Variants in CPLANE1 observed in about 807,000 individuals in gnomAD.
CPLANE1 encodes ciliogenesis and planar polarity effector complex subunit 1.
CPLANE1 carries 263 observed loss-of-function variants against 362.5 expected under a neutral mutation model. The observed-to-expected ratio is 0.73, with a 90% CI of 0.66 to 0.80. The LOEUF (loss-of-function observed/expected upper bound fraction) is 0.80. Among genes scored for constraint, CPLANE1 ranks in the 30% least tolerant of loss-of-function variants. The pLI is 0.00. For synonymous variants in CPLANE1, 1,212 were observed against 1,302.6 expected, an observed-to-expected ratio of 0.93 and a Z score of 1.50; for missense variants, 3,461 against 3,793.4, an observed-to-expected ratio of 0.91 and a Z score of 2.30.
At chr5:37,193,547 G>C (rs1458013586) in intron 21 of CPLANE1, among the ~76,000 whole-genome samples, 1 of 151,872 alleles carries the variant, frequency 6.6e-6, no homozygotes, top group Admixed American at 6.6e-5. Context: ...CCCAGCTACT[G>C]GGAAGGCTGA....
intron 46 of CPLANE1, among the ~76,000 whole-genome samples, chr5:37,130,998 T>C (rs1274320560): frequency 6.6e-6 from 1 of 152,224 alleles, no homozygotes; most frequent in African/African-American, 2.4e-5. Context: ...TAGGCTGCAG[T>C]GAATGTCTGT....
chr5:37,125,795 G>A (rs529448185), intron 46 of CPLANE1, among the ~76,000 whole-genome samples: 3 of 152,154 alleles, frequency 2.0e-5, no homozygotes, highest in Admixed American at 6.5e-5. Context: ...AATTTTGTGG[G>A]TACATAGTAG....
intron 38 of CPLANE1, among the ~76,000 whole-genome samples, chr5:37,161,777 C>T (rs1260813898): frequency 6.6e-6 from 1 of 152,140 alleles, no homozygotes; most frequent in Non-Finnish European, 1.5e-5. Context: ...ACCGTTATTG[C>T]TAAGTGGTGT....
chr5:37,189,720 C>T (rs1040305864), intron 21 of CPLANE1, among the ~76,000 whole-genome samples: 3 of 152,086 alleles, frequency 2.0e-5, no homozygotes, highest in Admixed American at 6.6e-5. Context: ...GCATTGCAGC[C>T]GGGCACAGTG....
At position 37,123,228 on chromosome 5, in the gene CPLANE1, A is replaced by T. The variant is rs188446995; in HGVS notation, c.8959-740T>A. 2.1e-3 allele frequency among the ~76,000 whole-genome samples: 319 copies of T among 152,362 alleles called. 1 individual carries two copies. Among genetic ancestry groups the T allele is most frequent in the Middle Eastern group, 0.017 (5 of 294 alleles). On this transcript the variant is annotated intron_variant, in intron 47 of 52. Coordinates refer to ENST00000651892, the MANE Select transcript of CPLANE1 (RefSeq NM_001384732.1). ...AAGGCAAACAACAAATGTCAGACACATACGTATTATTCCAGAACATTAAGA... is the reference window on the plus strand; with the variant it reads ...AAGGCAAACAACAAATGTCAGACACTTACGTATTATTCCAGAACATTAAGA...
At chr5:37,177,562 G>T (rs754682931) in intron 30 of CPLANE1, 59 bp downstream of exon 30, 1 of 1,247,170 alleles carries the variant, frequency 8.0e-7, no homozygotes, top group Non-Finnish European at 1.2e-6. Flanking sequence ...AAGGAAAAAA[G>T]CTGAAAGCTT....
chr5:37,245,999 T>C (rs995662995), intron 2 of CPLANE1, among the ~76,000 whole-genome samples, 154 bp from the exon 3 acceptor site: 4 of 152,144 alleles, frequency 2.6e-5, no homozygotes, highest in South Asian at 2.1e-4. Context: ...TAATACTCTA[T>C]AGTAGCCTGA....
chr5:37,175,579 A>G (rs1218438842), intron 31 of CPLANE1, among the ~76,000 whole-genome samples: 1 of 152,234 alleles, frequency 6.6e-6, no homozygotes, highest in Non-Finnish European at 1.5e-5. Context: ...AATTAAAAGC[A>G]TTTCAAACAC....
chr5:37,248,328 C>A (rs1174884467), intron 1 of CPLANE1, among the ~76,000 whole-genome samples: 1 of 151,948 alleles, frequency 6.6e-6, no homozygotes, highest in Non-Finnish European at 1.5e-5. Context: ...CCGGGTTTCA[C>A]CATGTTGGCC....
chr5:37,087,811 G>C, the CPLANE1 span, among the ~76,000 whole-genome samples: 1 of 152,196 alleles, frequency 6.6e-6, no homozygotes, highest in Non-Finnish European at 1.5e-5. Flanking sequence ...AAAGAAAATG[G>C]AGCCGCTAGC....
intron 51 of CPLANE1, among the ~76,000 whole-genome samples, chr5:37,110,835 T>G (rs1178150664): frequency 7.3e-6 from 1 of 136,356 alleles, no homozygotes; most frequent in African/African-American, 2.8e-5. Flanking sequence ...TGAGATGGAG[T>G]CTCACTCTGT....
chr5:37,164,439 C>T, intron 36 of CPLANE1, 112 bp from the exon 37 acceptor site: 1 of 716,984 alleles, frequency 1.4e-6, no homozygotes. Context: ...CTTCAACTTC[C>T]ATCATTCTAG....
At chr5:37,247,861 G>T in intron 1 of CPLANE1, 116 bp from the exon 2 acceptor site, 1 of 685,486 alleles carries the variant, frequency 1.5e-6, no homozygotes, top group Non-Finnish European at 2.2e-6. Context: ...GCAGTGATAT[G>T]ATCTCAGCTC....
At chr5:37,103,479 C>T (rs185437609), downstream of CPLANE1, among the ~76,000 whole-genome samples, 884 of 152,266 alleles carry the variant, frequency 5.8e-3, 3 homozygotes, top group Non-Finnish European at 7.4e-3. Context: ...CTGTATACTT[C>T]GGTGTGCTTT....
rs1438571955 is a variant in CPLANE1, at chr5:37,106,890, C to T, written c.*712G>A. The T allele has an allele frequency of 6.1e-6, 6 of 985,212 alleles. No individual in the cohort carries two copies. The highest frequency in any genetic ancestry group is 7.2e-6 in the Non-Finnish European group (6 of 829,746). The allele number at this position is 985,212 out of a possible 1,614,324, so 61.0% of individuals were successfully genotyped here. On this transcript the variant is annotated 3_prime_UTR_variant, in exon 53 of 53. Transcript: ENST00000651892. ...TCTTAAAACTATGACATTATTGGAGCACAATACCAAAAACTAATCAGGTCT... is the reference window on the plus strand; with the variant it reads ...TCTTAAAACTATGACATTATTGGAGTACAATACCAAAAACTAATCAGGTCT...
chr5:37,113,205 G>A (rs1457370154), intron 51 of CPLANE1, among the ~76,000 whole-genome samples: 2 of 152,130 alleles, frequency 1.3e-5, no homozygotes, highest in African/African-American at 2.4e-5. Flanking sequence ...TAATTCCCAC[G>A]TGCTGTGGGA....
intron 20 of CPLANE1, 111 bp downstream of exon 20, chr5:37,198,591 G>A (rs1350468371): frequency 7.9e-6 from 8 of 1,016,684 alleles, no homozygotes; most frequent in Non-Finnish European, 1.1e-5. Flanking sequence ...TGAAATTTGT[G>A]GATTTATAGG....
Position 37,125,411 on chromosome 5 carries a change from T to C in CPLANE1, c.8793-2A>G. 1 of 1,611,648 alleles carries C rather than the reference T, an allele frequency of 6.2e-7. No homozygotes were observed. The highest frequency in any genetic ancestry group is 8.5e-7 in the Non-Finnish European group (1 of 1,179,654). On this transcript the variant is annotated splice_acceptor_variant, in intron 46 of 52. Transcript: ENST00000651892. LOFTEE classifies it high-confidence loss of function. ...TGTCTGCCAGAATAATGCTGAATTCTGAGAAATTTAACAAGCAAGACATCA... is the reference window on the plus strand; with the variant it reads ...TGTCTGCCAGAATAATGCTGAATTCCGAGAAATTTAACAAGCAAGACATCA...
At chr5:37,081,079 T>C in the CPLANE1 span, among the ~76,000 whole-genome samples, 1 of 151,974 alleles carries the variant, frequency 6.6e-6, no homozygotes, top group African/African-American at 2.4e-5. Context: ...CAGCTACTCA[T>C]GAGGATCACT....
Sources: gnomAD v4.1 joint callset for allele counts (sites outside exome capture counted in the v4.1 genomes callset) on GRCh38, gnomAD v4.1.1 for gene constraint, MANE v1.5 for transcripts, NCBI Gene and HGNC (gene_info 2026-07-23, HGNC 2026-07-21) for gene names.